The following MAPK10 variants were observed in gnomAD, a reference collection of about 807,000 sequenced individuals.
MAPK10 encodes mitogen-activated protein kinase 10.
Under a neutral mutation model 59.3 loss-of-function variants are expected in MAPK10, and 25 were observed. That is an observed-to-expected ratio of 0.42 (90% confidence interval 0.31 to 0.59). MAPK10 has a LOEUF of 0.59. Ranked by LOEUF, MAPK10 falls within the 20% of genes least tolerant of loss-of-function variation. The pLI is 0.15. For missense variants in MAPK10, 351 were observed against 568.9 expected (o/e 0.62, Z 3.90); for synonymous variants, 190 against 200.5 (o/e 0.95, Z 0.44).
At chr4:86,359,562 CA>C in intron 1 of MAPK10, 95 bp downstream of exon 1, 1 of 458,300 alleles carries the variant, frequency 2.2e-6, no homozygotes, top group Admixed American at 6.4e-5. Context: ...TCGTCTCTTC[CA>C]TACTCCCTCT....
intron 1 of MAPK10, among the ~76,000 whole-genome samples, chr4:86,396,022 G>A (rs940694557): frequency 4.6e-5 from 7 of 152,218 alleles, no homozygotes; most frequent in African/African-American, 1.7e-4. Context: ...ATCTGTGCAG[G>A]CAGGAGCCTT....
chr4:86,460,315 G>T (rs1420032538), intron 1 of MAPK10, among the ~76,000 whole-genome samples: 1 of 152,174 alleles, frequency 6.6e-6, no homozygotes, highest in Non-Finnish European at 1.5e-5. Flanking sequence ...GCCTGAAGAA[G>T]CCAATGCCTT....
In MAPK10 at chr4:86,485,866, A is replaced by G. The variant is rs145167229; in HGVS notation, c.-263+108044T>C. The stretch of plus-strand genomic sequence containing the variant: ...GAAAAGGCCATGTGAGGACATAGTG[A>G]AAGGCAGCCATTTGCAAGCCAGGAA... On this transcript the variant is annotated intron_variant, in intron 1 of 4. Transcript: ENST00000502302. Among the ~76,000 whole-genome samples the G allele has an allele frequency of 3.9e-3, 601 of 152,346 alleles. 1 individual carries two copies. The highest frequency in any genetic ancestry group is 0.014 in the African/African-American group (572 of 41,578).
At chr4:86,422,790 G>A (rs1425124684) in intron 1 of MAPK10, among the ~76,000 whole-genome samples, 1 of 152,126 alleles carries the variant, frequency 6.6e-6, no homozygotes, top group African/African-American at 2.4e-5. Flanking sequence ...AACTCAACTG[G>A]GAGTGCTATC....
intron 1 of MAPK10, among the ~76,000 whole-genome samples, chr4:86,413,436 T>C (rs1745456494): frequency 6.6e-6 from 1 of 152,204 alleles, no homozygotes. Flanking sequence ...CATTGCTCTC[T>C]TCAGAGCTGT....
chr4:86,569,033 A>T (rs1761267314), intron 1 of MAPK10, among the ~76,000 whole-genome samples: 1 of 152,208 alleles, frequency 6.6e-6, no homozygotes, highest in Non-Finnish European at 1.5e-5. Context: ...CAGAGAAAAT[A>T]TTCACAAACA....
chr4:86,168,788 G>A (rs57087761), intron 3 of MAPK10, among the ~76,000 whole-genome samples: 2,536 of 152,220 alleles, frequency 0.017, 90 homozygotes, highest in African/African-American at 0.057. Context: ...CCTGACCCCC[G>A]AGCAGCCCAA....
chr4:86,346,945 G>T (rs920183070), intron 2 of MAPK10, among the ~76,000 whole-genome samples: 3 of 151,904 alleles, frequency 2.0e-5, no homozygotes, highest in African/African-American at 4.8e-5. Context: ...TCTTTATTAA[G>T]ATTTATATAT....
At chr4:86,561,307 G>A (rs564614003) in intron 1 of MAPK10, among the ~76,000 whole-genome samples, 43 of 152,252 alleles carry the variant, frequency 2.8e-4, no homozygotes, top group Admixed American at 2.0e-3. Flanking sequence ...CAGTTGCTGT[G>A]TATTATAAGT....
chr4:86,272,004 A>G (rs1233768733), intron 2 of MAPK10, among the ~76,000 whole-genome samples: 3 of 151,882 alleles, frequency 2.0e-5, no homozygotes, highest in African/African-American at 7.3e-5. Context: ...TCCCACTTCT[A>G]GTAGTGTCCA....
chr4:86,021,912 C>T (rs1397579876), intron 13 of MAPK10, among the ~76,000 whole-genome samples: 3 of 152,234 alleles, frequency 2.0e-5, no homozygotes, highest in African/African-American at 4.8e-5. Context: ...TGCGGGGGCC[C>T]GCCAAGCCCA....
At chr4:86,169,154 C>T (rs1252638316) in intron 3 of MAPK10, among the ~76,000 whole-genome samples, 2 of 152,016 alleles carry the variant, frequency 1.3e-5, no homozygotes, top group African/African-American at 2.4e-5. Context: ...AAAAGCAGAG[C>T]GACTCTCCTC....
At chr4:86,235,050 A>G (rs775466048) in intron 2 of MAPK10, among the ~76,000 whole-genome samples, 17 of 152,110 alleles carry the variant, frequency 1.1e-4, no homozygotes, top group Non-Finnish European at 1.9e-4. Context: ...TATTATTTGT[A>G]TAATTTAAAT....
At chr4:86,507,657 T>TACAC (rs1406108928) in intron 1 of MAPK10, among the ~76,000 whole-genome samples, 2 of 100,364 alleles carry the variant, frequency 2.0e-5, no homozygotes, top group African/African-American at 4.2e-5. Flanking sequence ...TATATATATA[T>TACAC]ATATATATAT....
rs1745274972 is a variant in MAPK10, at chr4:86,412,231, ACT to A, written c.-122+40797_-122+40798del. Among the ~76,000 whole-genome samples the A allele has an allele frequency of 1.3e-5, 2 of 151,940 alleles. 1 individual carries two copies. The highest frequency in any genetic ancestry group is 1.3e-4 in the Admixed American group (2 of 15,266). Reference sequence around the variant, plus strand: ...TTAAGAATGTTGAATATTGGCCCCCACTCTCTTCTGGCTTGTAGGGTTTCTGC... The same window carrying A: ...TTAAGAATGTTGAATATTGGCCCCCACTCTTCTGGCTTGTAGGGTTTCTGC... On this transcript the variant is annotated intron_variant, in intron 1 of 13. Transcript: ENST00000361569.
intron 2 of MAPK10, among the ~76,000 whole-genome samples, chr4:86,196,643 G>A (rs1221613111): frequency 6.6e-6 from 1 of 152,120 alleles, no homozygotes; most frequent in African/African-American, 2.4e-5. Flanking sequence ...CCATGCCTAT[G>A]TCCTGAATGG....
At chr4:86,330,519 G>A (rs974211470) in intron 2 of MAPK10, among the ~76,000 whole-genome samples, 3 of 152,124 alleles carry the variant, frequency 2.0e-5, no homozygotes, top group African/African-American at 7.2e-5. Context: ...TCATGGGGGC[G>A]GTTACCCCCA....
chr4:86,054,605 C>T (rs1398794475), intron 11 of MAPK10, among the ~76,000 whole-genome samples: 1 of 152,144 alleles, frequency 6.6e-6, no homozygotes. Context: ...ATACGAATTG[C>T]TCTTTCTATA....
chr4:86,443,426 C>T (rs1301029714), intron 1 of MAPK10, among the ~76,000 whole-genome samples: 2 of 151,588 alleles, frequency 1.3e-5, no homozygotes, highest in Non-Finnish European at 2.9e-5. Context: ...AACTCCCGTC[C>T]CCTCTAGTTT....
Sources: allele counts gnomAD v4.1 joint callset (sites outside exome capture counted in the v4.1 genomes callset), GRCh38; gene constraint gnomAD v4.1.1; transcripts MANE v1.5; gene names NCBI Gene and HGNC (gene_info 2026-07-23, HGNC 2026-07-21).